The following EML6 variants were observed in gnomAD, a reference collection of about 807,000 sequenced individuals.
EML6 encodes the protein echinoderm microtubule-associated protein-like 6.
EML6 carries 154 observed loss-of-function variants against 240.1 expected under a neutral mutation model. The observed-to-expected ratio is 0.64, with a 90% CI of 0.56 to 0.73. The LOEUF is 0.73. EML6 is among the 30% of genes least tolerant of loss of function. EML6 has a pLI of 0.00. For missense variants in EML6, 2,964 were observed against 2,474.6 expected (o/e 1.20, Z -4.20); for synonymous variants, 1,148 against 899.0 (o/e 1.28, Z -4.95).
chr2:54,759,880 A>T (rs983654504), intron 2 of EML6, among the ~76,000 whole-genome samples: 1 of 150,586 alleles, frequency 6.6e-6, no homozygotes, highest in Non-Finnish European at 1.5e-5. Context: ...ATATATATAT[A>T]TATAAAATCT....
At position 54,871,543 on chromosome 2, in the gene EML6, T is replaced by G; in HGVS notation, c.2282T>G (p.Leu761Arg). Residue 761 changes from leucine to arginine, a missense_variant, in exon 16 of 42, where the codon CTA becomes CGA. Physicochemically the swap from Leu to Arg is moderately radical, Grantham distance 102 (BLOSUM62 -2). Transcript: ENST00000356458. ...AAIHVWDTQT[L>R]KCLSLLKGQH... The stretch of plus-strand genomic sequence containing the variant: ...ATTCATGTGTGGGACACACAAACTC[T>G]AAAATGTTTGTCGCTGTTGAAAGGA... 6.4e-7 allele frequency: 1 copy of G among 1,551,814 alleles called. No homozygotes were observed. The highest frequency in any genetic ancestry group is 1.2e-5 in the South Asian group (1 of 84,068).
At chr2:54,951,737 GTTC>G (rs1675991690) in intron 30 of EML6, among the ~76,000 whole-genome samples, 1 of 150,292 alleles carries the variant, frequency 6.7e-6, no homozygotes, top group Non-Finnish European at 1.5e-5. Flanking sequence ...TTAAATTTTT[GTTC>G]TTTGTCAATT....
intron 28 of EML6, among the ~76,000 whole-genome samples, chr2:54,938,245 C>G (rs532326569): frequency 1.3e-5 from 2 of 152,118 alleles, no homozygotes; most frequent in East Asian, 1.9e-4. Flanking sequence ...ACTCGGGAGG[C>G]TGAGGGAGGA....
chr2:54,937,452 C>A (rs776646314), intron 28 of EML6, among the ~76,000 whole-genome samples: 1 of 143,852 alleles, frequency 7.0e-6, no homozygotes, highest in African/African-American at 2.6e-5. Context: ...GCTTGGGAGG[C>A]TGAGATAAAA....
At chr2:54,797,593 T>C (rs1292190675) in intron 2 of EML6, among the ~76,000 whole-genome samples, 2 of 150,658 alleles carry the variant, frequency 1.3e-5, no homozygotes, top group African/African-American at 4.9e-5. Flanking sequence ...AATAGCATTA[T>C]GCCTAACAAC....
chr2:54,820,132 CA>C (rs1302721850), intron 4 of EML6, among the ~76,000 whole-genome samples: 5 of 151,990 alleles, frequency 3.3e-5, no homozygotes, highest in Non-Finnish European at 4.4e-5. Context: ...CTCAAATGGA[CA>C]AAATTAAAAA....
chr2:54,905,322 AC>A (rs1673267477), intron 24 of EML6, among the ~76,000 whole-genome samples: 1 of 668 alleles, frequency 1.5e-3, no homozygotes, highest in Admixed American at 0.026. Flanking sequence ...TTAGAATCCG[AC>A]ACACACACAC....
intron 28 of EML6, among the ~76,000 whole-genome samples, chr2:54,932,553 C>T (rs192262293): frequency 2.8e-4 from 42 of 152,184 alleles, no homozygotes; most frequent in Admixed American, 8.5e-4. Flanking sequence ...TCTCCTTTGC[C>T]GTGTTTTCTT....
Position 54,829,467 on chromosome 2 carries a change from A to G in EML6, c.837A>G (p.Gln279=), listed in dbSNP as rs1668756162. The G allele has an allele frequency of 6.4e-7, 1 of 1,551,204 alleles. No homozygotes were observed. The highest frequency in any genetic ancestry group is 8.7e-7 in the Non-Finnish European group (1 of 1,146,360). ...ITKIDLRETE[Q]GYKGLSIRSV... ...AAATTGATCTCAGGGAGACAGAACA[A>G]GGATACAAAGGTAATATATGTGTTA... The change falls in exon 7 of 42, where the codon CAA becomes CAG. Residue 279 remains glutamine (Q), a synonymous_variant. Transcript: ENST00000356458.
chr2:54,800,793 G>A (rs1670095194), intron 2 of EML6, among the ~76,000 whole-genome samples: 1 of 152,076 alleles, frequency 6.6e-6, no homozygotes, highest in African/African-American at 2.4e-5. Context: ...GAGAAGGGAG[G>A]CAGAGGTGTT....
chr2:54,783,665 T>G (rs1668950526), intron 2 of EML6, among the ~76,000 whole-genome samples: 2 of 152,242 alleles, frequency 1.3e-5, no homozygotes. Context: ...TTATATTCAC[T>G]GAAATGTTTT....
At chr2:54,843,928 A>G (rs148157317) in intron 7 of EML6, 119 bp from the exon 8 acceptor site, 1 of 686,246 alleles carries the variant, frequency 1.5e-6, no homozygotes, top group African/African-American at 1.9e-5. Context: ...GTCACATTTG[A>G]TGGTATCCTG....
intron 6 of EML6, among the ~76,000 whole-genome samples, chr2:54,828,558 T>C (rs551719321): frequency 6.6e-6 from 1 of 152,360 alleles, no homozygotes; most frequent in Non-Finnish European, 1.5e-5. Flanking sequence ...TAAGCAACTC[T>C]TAGAGCTATG....
At chr2:54,949,234 G>A (rs555245193) in intron 29 of EML6, among the ~76,000 whole-genome samples, 6 of 152,124 alleles carry the variant, frequency 3.9e-5, no homozygotes, top group South Asian at 2.1e-4. Context: ...GCCTGGCTCC[G>A]TTTCCCTCCA....
intron 41 of EML6, 51 bp from the exon 42 acceptor site, chr2:54,970,020 A>C (rs1027572389): frequency 1.3e-6 from 2 of 1,547,950 alleles, no homozygotes; most frequent in Non-Finnish European, 1.7e-6. Flanking sequence ...GCCACTTGAC[A>C]CAAGTATGAT....
At chr2:54,917,124 G>C (rs1014271124) in intron 26 of EML6, among the ~76,000 whole-genome samples, 189 bp downstream of exon 26, 2 of 152,144 alleles carry the variant, frequency 1.3e-5, no homozygotes, top group African/African-American at 4.8e-5. Flanking sequence ...TCATGGCATA[G>C]AATTCTACCT....
At chr2:54,743,184 C>A (rs944766967) in intron 2 of EML6, among the ~76,000 whole-genome samples, 2 of 152,234 alleles carry the variant, frequency 1.3e-5, no homozygotes, top group African/African-American at 4.8e-5. Flanking sequence ...CAGCCCTGGA[C>A]AGGACGCAGT....
intron 28 of EML6, among the ~76,000 whole-genome samples, chr2:54,945,788 G>A (rs958104266): frequency 2.0e-5 from 3 of 152,256 alleles, no homozygotes; most frequent in Non-Finnish European, 2.9e-5. Flanking sequence ...TGCAGGGCAA[G>A]AGCCCGTGTC....
At chr2:54,816,643 G>A in intron 3 of EML6, 144 bp from the exon 4 acceptor site, 1 of 619,676 alleles carries the variant, frequency 1.6e-6, no homozygotes, top group East Asian at 2.9e-5. Flanking sequence ...GTTATTTTTA[G>A]TTTGGGGTTT....
Sources: allele counts gnomAD v4.1 joint callset (sites outside exome capture counted in the v4.1 genomes callset), GRCh38; gene constraint gnomAD v4.1.1; transcripts MANE v1.5; gene names NCBI Gene and HGNC (gene_info 2026-07-23, HGNC 2026-07-21).